PCDH15: variants seen among roughly 807,000 people sequenced by gnomAD.
PCDH15 encodes the protein protocadherin-15.
Under a neutral mutation model 178.5 loss-of-function variants are expected in PCDH15, and 129 were observed. The ratio of observed to expected loss-of-function variants is 0.72; its 90% CI spans 0.63 to 0.84. The LOEUF (loss-of-function observed/expected upper bound fraction) is 0.84. Among genes scored for constraint, PCDH15 ranks in the 40% least tolerant of loss-of-function variants. The pLI, the probability that PCDH15 is intolerant of heterozygous loss-of-function variation, is 0.00. For synonymous variants in PCDH15, 800 were observed against 732.0 expected (o/e 1.09, Z -1.50); for missense variants, 2,230 against 2,099.9 (o/e 1.06, Z -1.21).
intron 1 of PCDH15, among the ~76,000 whole-genome samples, chr10:54,750,102 TTC>T (rs1383977446): frequency 2.0e-5 from 3 of 151,978 alleles, no homozygotes; most frequent in South Asian, 2.1e-4. Context: ...CTGTCTCTCT[TTC>T]TCTCTTTCTC....
chr10:54,893,854 C>A (rs1343818728), intron 3 of PCDH15, among the ~76,000 whole-genome samples: 1 of 151,984 alleles, frequency 6.6e-6, no homozygotes, highest in Non-Finnish European at 1.5e-5. Context: ...TAGAATGTGA[C>A]TATAGGGAGA....
chr10:55,074,646 T>A (rs1022547862), intron 2 of PCDH15, among the ~76,000 whole-genome samples: 1 of 152,144 alleles, frequency 6.6e-6, no homozygotes, highest in African/African-American at 2.4e-5. Flanking sequence ...TTGCAAAAAA[T>A]TTCTCCCACT....
chr10:54,941,191 T>A (rs1156611036), intron 2 of PCDH15, among the ~76,000 whole-genome samples: 1 of 152,078 alleles, frequency 6.6e-6, no homozygotes, highest in Non-Finnish European at 1.5e-5. Flanking sequence ...TAATGTTCAA[T>A]CTAGAGCTCA....
chr10:55,446,925 T>C (rs1300357944), intron 2 of PCDH15, among the ~76,000 whole-genome samples: 1 of 152,002 alleles, frequency 6.6e-6, no homozygotes, highest in Non-Finnish European at 1.5e-5. Context: ...AAATGAGCAT[T>C]GTAAAGGTCT....
At chr10:55,288,849 C>A (rs1411166306) in intron 1 of PCDH15, among the ~76,000 whole-genome samples, 1 of 150,050 alleles carries the variant, frequency 6.7e-6, no homozygotes, top group Non-Finnish European at 1.5e-5. Flanking sequence ...TTTCTTCCAG[C>A]TTATGACTTC....
At chr10:55,602,423 C>T (rs955664746) in intron 2 of PCDH15, among the ~76,000 whole-genome samples, 50 of 152,276 alleles carry the variant, frequency 3.3e-4, no homozygotes, top group Non-Finnish European at 6.5e-4. Flanking sequence ...GTAGGCTCCA[C>T]CTCTGGGGGC....
intron 1 of PCDH15, among the ~76,000 whole-genome samples, chr10:54,731,714 G>T (rs1943432202): frequency 6.7e-6 from 1 of 150,180 alleles, no homozygotes; most frequent in South Asian, 2.1e-4. Context: ...AAGACAAATT[G>T]CATGTTCTCA....
At chr10:53,821,640 G>T in intron 32 of PCDH15, 2 of 1,301,588 alleles carry the variant, frequency 1.5e-6, no homozygotes, top group Non-Finnish European at 2.0e-6. Flanking sequence ...AACAAATTAT[G>T]CTACTTTGTA....
chr10:55,445,924 A>G (rs1839305354), intron 2 of PCDH15, among the ~76,000 whole-genome samples: 1 of 152,130 alleles, frequency 6.6e-6, no homozygotes, highest in African/African-American at 2.4e-5. Context: ...TTCACTTGAG[A>G]AACACCAGAC....
chr10:54,796,262 CTATCTATCTA>C (rs1564481726), intron 1 of PCDH15, among the ~76,000 whole-genome samples: 77 of 101,960 alleles, frequency 7.6e-4, no homozygotes, highest in Admixed American at 4.8e-3. Flanking sequence ...ATCTATCTAT[CTATCTATCTA>C]TGTATCTATG....
chr10:53,911,821 CAA>C (rs1008946739), intron 25 of PCDH15, among the ~76,000 whole-genome samples: 10 of 152,062 alleles, frequency 6.6e-5, no homozygotes, highest in African/African-American at 2.2e-4. Flanking sequence ...CAACCAAAAA[CAA>C]AGTCCGGGAC....
Position 55,094,979 on chromosome 10 carries a change from T to G in PCDH15, c.-80+71597A>C, listed in dbSNP as rs180694763. ...CTGTGTCACCCAGGCAAGAGTGTAG[T>G]GGAGTAGTCACTGCTCACTGCAGCC... On this transcript the variant is annotated intron_variant, in intron 2 of 5. Transcript: ENST00000458638. Among the ~76,000 whole-genome samples the G allele has an allele frequency of 1.8e-4, 27 of 150,192 alleles. No individual in the cohort carries two copies. The Admixed American group carries it at 1.8e-3, about 10-fold the overall frequency.
intron 2 of PCDH15, among the ~76,000 whole-genome samples, chr10:55,155,819 C>A (rs1472695718): frequency 8.0e-6 from 1 of 124,576 alleles, no homozygotes; most frequent in East Asian, 2.7e-4. Context: ...AAGCAATGAT[C>A]CTTACATAAT....
At chr10:53,942,870 T>C (rs745417475) in intron 23 of PCDH15, among the ~76,000 whole-genome samples, 28 of 152,330 alleles carry the variant, frequency 1.8e-4, no homozygotes, top group Non-Finnish European at 4.0e-4. Context: ...TTTAACCCAT[T>C]AAGTTCATGG....
intron 3 of PCDH15, among the ~76,000 whole-genome samples, chr10:54,481,549 A>G (rs905682235): frequency 6.6e-6 from 1 of 151,772 alleles, no homozygotes; most frequent in African/African-American, 2.4e-5. Flanking sequence ...GCAACTTGCT[A>G]TTATATTAAT....
intron 16 of PCDH15, among the ~76,000 whole-genome samples, chr10:54,088,125 C>G (rs2094543939): frequency 6.6e-6 from 1 of 152,170 alleles, no homozygotes; most frequent in Non-Finnish European, 1.5e-5. Context: ...TTCTTTATAG[C>G]AGTGCAAAAA....
chr10:54,466,611 G>T (rs2077535538), intron 3 of PCDH15, among the ~76,000 whole-genome samples: 1 of 151,850 alleles, frequency 6.6e-6, no homozygotes, highest in African/African-American at 2.4e-5. Context: ...CATGTAGTGT[G>T]GTGACTCCAG....
intron 32 of PCDH15, chr10:53,821,105 A>T: frequency 6.1e-6 from 6 of 979,884 alleles, no homozygotes; most frequent in Non-Finnish European, 7.3e-6. Flanking sequence ...AAAGTCAACG[A>T]CTCAAGATTT....
chr10:53,820,469 C>G (rs2076219711), intron 32 of PCDH15, among the ~76,000 whole-genome samples: 1 of 151,974 alleles, frequency 6.6e-6, no homozygotes, highest in Non-Finnish European at 1.5e-5. Flanking sequence ...AACTTATATT[C>G]ATATACTTCC....
Sources: gnomAD v4.1 joint callset for allele counts (sites outside exome capture counted in the v4.1 genomes callset) on GRCh38, gnomAD v4.1.1 for gene constraint, MANE v1.5 for transcripts, NCBI Gene and HGNC (gene_info 2026-07-23, HGNC 2026-07-21) for gene names.